CADM2: variants seen among roughly 807,000 people sequenced by gnomAD.
CADM2 encodes the protein cell adhesion molecule 2, also known as immunoglobulin superfamily member 4D.
Under a neutral mutation model 49.8 loss-of-function variants are expected in CADM2, and 12 were observed. That is an observed-to-expected ratio of 0.24 (90% CI 0.15 to 0.39). The LOEUF (loss-of-function observed/expected upper bound fraction) is 0.39, where lower values mean the gene tolerates loss of function less well. Ranked by LOEUF, CADM2 falls within the 10% of genes least tolerant of loss-of-function variation. The pLI, the probability that CADM2 is intolerant of heterozygous loss-of-function variation, is 1.00. For synonymous variants in CADM2, 214 were observed against 175.4 expected (o/e 1.22, Z -1.74); for missense variants, 378 against 492.3 (o/e 0.77, Z 2.20).
rs558135039 is a variant in CADM2, at chr3:85,229,224, A to G, written c.61+269556A>G. 3.9e-5 allele frequency among the ~76,000 whole-genome samples: 6 copies of G among 152,278 alleles called. No individual in the cohort carries two copies. In the South Asian group the frequency reaches 1.2e-3, roughly 32 times the overall value. Reference sequence around the variant, plus strand: ...TGCTAGCAGCAAGGACTTCAAGCCAATGGATCTTAGCTTGCTAGGCTCGGT... The same window carrying G: ...TGCTAGCAGCAAGGACTTCAAGCCAGTGGATCTTAGCTTGCTAGGCTCGGT... On this transcript the variant is annotated intron_variant, in intron 1 of 9. Coordinates refer to ENST00000383699, the MANE Select transcript of CADM2 (RefSeq NM_001167675.2).
At chr3:85,445,216 A>C (rs2037390731) in intron 1 of CADM2, among the ~76,000 whole-genome samples, 1 of 152,126 alleles carries the variant, frequency 6.6e-6, no homozygotes, top group Non-Finnish European at 1.5e-5. Flanking sequence ...AAAATTTAAA[A>C]CACCCTGCAT....
rs182207838 is a variant in CADM2, at chr3:86,072,600, T to C, written c.*5817T>C. 1.3e-5 allele frequency: 2 copies of C among 151,930 alleles called. No homozygotes were observed. Among genetic ancestry groups the C allele is most frequent in the African/African-American group, 4.8e-5 (2 of 41,416 alleles). 9.4% of individuals were successfully genotyped at this position (151,930 alleles called of 1,614,324 possible). ...ATGGACTTTTAAGTGCGGTATGAAA[T>C]GCAACATTACGCTTACAAACAGTAC... On this transcript the variant is annotated 3_prime_UTR_variant, in exon 10 of 10. Transcript: ENST00000383699.
rs1212462832 is a variant in CADM2, at chr3:85,428,724, G to T, written c.62-297798G>T. On this transcript the variant is annotated intron_variant, in intron 1 of 9. Transcript: ENST00000383699. ...CTTACTAATACATATTCCCATAGGT[G>T]AATACATAGGGAATATGCATTATGT... is the stretch of plus-strand genomic sequence containing the variant. 8.8e-5 allele frequency among the ~76,000 whole-genome samples: 13 copies of T among 148,178 alleles called. No individual in the cohort carries two copies. The East Asian group carries it at 2.5e-3, about 29-fold the overall frequency.
chr3:85,421,129 G>A (rs548012346), intron 1 of CADM2, among the ~76,000 whole-genome samples: 1 of 152,260 alleles, frequency 6.6e-6, no homozygotes, highest in African/African-American at 2.4e-5. Flanking sequence ...TTTGAGAAAA[G>A]GGGTATGCAT....
intron 1 of CADM2, among the ~76,000 whole-genome samples, chr3:85,135,805 CA>C (rs2107618484): frequency 6.6e-6 from 1 of 152,032 alleles, no homozygotes; most frequent in Admixed American, 6.5e-5. Flanking sequence ...ATACTTTCAT[CA>C]GTAGTGAACA....
At chr3:85,052,933 T>C (rs2035941930) in intron 1 of CADM2, among the ~76,000 whole-genome samples, 1 of 152,040 alleles carries the variant, frequency 6.6e-6, no homozygotes, top group Admixed American at 6.6e-5. Flanking sequence ...ATAGCTACAG[T>C]AAGCTTCTTT....
intron 1 of CADM2, among the ~76,000 whole-genome samples, chr3:85,339,563 C>A (rs1433709): frequency 0.77 from 115,598 of 150,444 alleles, 46,940 homozygotes; most frequent in Non-Finnish European, 0.88. Context: ...TTCTATTTTT[C>A]TCATCTTTTC....
intron 1 of CADM2, among the ~76,000 whole-genome samples, chr3:85,534,544 C>T (rs572954598): frequency 1.3e-5 from 2 of 152,288 alleles, no homozygotes; most frequent in African/African-American, 4.8e-5. Flanking sequence ...CAGTCACACT[C>T]TTCTGTTCAG....
rs539334166 is a variant in CADM2, at chr3:85,938,584, A to C, written c.791+2727A>C. 6.3e-4 allele frequency among the ~76,000 whole-genome samples: 96 copies of C among 152,240 alleles called. 2 individuals carry two copies. The highest frequency in any genetic ancestry group is 6.2e-3 in the Admixed American group (95 of 15,248). On this transcript the variant is annotated intron_variant, in intron 7 of 9. Coordinates refer to ENST00000383699, the MANE Select transcript of CADM2 (RefSeq NM_001167675.2). ...TGGGAGTGAAAATGAAATATGTGAT[A>C]TACTCAATCAGCAGGTTAGAATTCC...
intron 1 of CADM2, among the ~76,000 whole-genome samples, chr3:85,126,460 C>T (rs1441545227): frequency 6.6e-6 from 1 of 152,054 alleles, no homozygotes; most frequent in Non-Finnish European, 1.5e-5. Context: ...CGGCAGTTCA[C>T]ATTTAAAATT....
chr3:85,761,050 C>T (rs551355312), intron 2 of CADM2, among the ~76,000 whole-genome samples: 4 of 152,136 alleles, frequency 2.6e-5, no homozygotes, highest in South Asian at 4.2e-4. Flanking sequence ...GTTCAACTCT[C>T]GCTAAGGCAG....
At chr3:85,243,507 G>C (rs928952671) in intron 1 of CADM2, among the ~76,000 whole-genome samples, 2 of 151,940 alleles carry the variant, frequency 1.3e-5, no homozygotes, top group African/African-American at 4.8e-5. Flanking sequence ...ATTACTAAAA[G>C]CACTAATTAC....
intron 1 of CADM2, among the ~76,000 whole-genome samples, chr3:85,568,731 T>G (rs2062391726): frequency 6.7e-6 from 1 of 149,688 alleles, no homozygotes; most frequent in Non-Finnish European, 1.5e-5. Context: ...GCCTCCCGAG[T>G]AGCTAGGATT....
intron 7 of CADM2, among the ~76,000 whole-genome samples, chr3:85,943,396 A>T (rs1275920325): frequency 1.4e-5 from 2 of 145,758 alleles, no homozygotes; most frequent in East Asian, 4.0e-4. Context: ...TGTTTTAGAC[A>T]TGAAGTCCTT....
intron 1 of CADM2, among the ~76,000 whole-genome samples, chr3:85,488,406 G>A (rs1361117048): frequency 6.6e-6 from 1 of 152,148 alleles, no homozygotes; most frequent in Non-Finnish European, 1.5e-5. Flanking sequence ...ACTAAACATG[G>A]TAGCCGTGAT....
chr3:86,064,007 G>A (rs1193775800), intron 8 of CADM2, among the ~76,000 whole-genome samples: 1 of 151,534 alleles, frequency 6.6e-6, no homozygotes, highest in Non-Finnish European at 1.5e-5. Context: ...GTGCCCAAAT[G>A]TCTGGGTATT....
Position 84,959,448 on chromosome 3 carries a change from C to A in CADM2, c.-160C>A. On this transcript the variant is annotated 5_prime_UTR_variant, in exon 1 of 10. Transcript: ENST00000383699. ...GCTTTGCCGCTGCCGCTTCTGCTGC[C>A]GCCGATCCGAGTCCGCGGGTTCGAA... The A allele has an allele frequency of 1.6e-6, 1 of 633,418 alleles. No individual in the cohort carries two copies. Among genetic ancestry groups the A allele is most frequent in the Non-Finnish European group, 2.7e-6 (1 of 369,454 alleles). 39.2% of individuals were successfully genotyped at this position (633,418 alleles called of 1,614,324 possible). A position where few individuals can be genotyped will look rare whatever the true frequency, so the allele number is the denominator to read the frequency against.
At chr3:85,858,291 G>A (rs988111929) in intron 3 of CADM2, among the ~76,000 whole-genome samples, 2 of 152,166 alleles carry the variant, frequency 1.3e-5, no homozygotes, top group Non-Finnish European at 1.5e-5. Context: ...AACCCTTGAG[G>A]AATTATAACT....
At chr3:85,471,926 C>T (rs1008213583) in intron 1 of CADM2, among the ~76,000 whole-genome samples, 1 of 151,710 alleles carries the variant, frequency 6.6e-6, no homozygotes, top group African/African-American at 2.4e-5. Context: ...TATACATTAT[C>T]TCTAGTTTAG....
Sources: allele counts gnomAD v4.1 joint callset (sites outside exome capture counted in the v4.1 genomes callset), GRCh38; gene constraint gnomAD v4.1.1; transcripts MANE v1.5; gene names NCBI Gene and HGNC (gene_info 2026-07-23, HGNC 2026-07-21).